USP35: variants seen among roughly 807,000 people sequenced by gnomAD.
The protein encoded by USP35 is ubiquitin carboxyl-terminal hydrolase 35.
In USP35, 69 loss-of-function variants were observed where a neutral mutation model predicts 83.8. That is an observed-to-expected ratio of 0.82 (90% CI 0.68 to 1.01). The LOEUF (loss-of-function observed/expected upper bound fraction) is 1.01. Ranked by LOEUF, USP35 falls within the 50% of genes least tolerant of loss-of-function variation. The probability of loss-of-function intolerance (pLI) is 0.00; values close to 1 mark genes in which losing one functional copy is unlikely to be tolerated. For missense variants in USP35, 1,503 were observed against 1,362.5 expected, an observed-to-expected ratio of 1.10 and a Z score of -1.62; for synonymous variants, 714 against 589.5, an observed-to-expected ratio of 1.21 and a Z score of -3.06.
chr11:78,234,381 C>T, the USP35 span, among the ~76,000 whole-genome samples: 1 of 152,186 alleles, frequency 6.6e-6, no homozygotes, highest in Admixed American at 6.5e-5. Flanking sequence ...CTGCGCCCAG[C>T]CTAGAAGTTT....
chr11:78,199,470 G>A lies in USP35; in HGVS notation c.807-125G>A, dbSNP rs114009374. ...TGTCTGGTTCAGCCCACAGACCCCG[G>A]GGCTGCCCTTTGCAGGTGTGAGTCA... On this transcript the variant is annotated intron_variant, in intron 3 of 10. Coordinates refer to ENST00000529308, the MANE Select transcript of USP35 (RefSeq NM_020798.4). 4.1e-4 allele frequency: 593 copies of A among 1,438,790 alleles called. 7 individuals are homozygous for A. The African/African-American group carries it at 6.2e-3, about 15-fold the overall frequency. The allele number at this position is 1,438,790 out of a possible 1,614,324, so 89.1% of individuals were successfully genotyped here.
intron 9 of USP35, 65 bp downstream of exon 9, chr11:78,209,028 C>T: frequency 6.6e-7 from 1 of 1,505,862 alleles, no homozygotes; most frequent in Non-Finnish European, 9.1e-7. Context: ...AGCCCAGTAC[C>T]TCTGAGCTGT....
At chr11:78,233,390 G>T in the USP35 span, among the ~76,000 whole-genome samples, 1 of 152,138 alleles carries the variant, frequency 6.6e-6, no homozygotes, top group South Asian at 2.1e-4. Context: ...ATCTCACTGA[G>T]ATTTTAATTT....
At chr11:78,189,486 G>C (rs1049285622) in intron 1 of USP35, among the ~76,000 whole-genome samples, 1 of 152,222 alleles carries the variant, frequency 6.6e-6, no homozygotes, top group South Asian at 2.1e-4. Flanking sequence ...TGCACTGGAG[G>C]GAGGGAGGTG....
At chr11:78,211,871 AT>A (rs948677546) in intron 10 of USP35, among the ~76,000 whole-genome samples, 4 of 151,764 alleles carry the variant, frequency 2.6e-5, no homozygotes, top group Non-Finnish European at 5.9e-5. Flanking sequence ...GTTTGCAAAA[AT>A]TTTTTTTCAT....
At chr11:78,199,810 T>C in intron 4 of USP35, 86 bp downstream of exon 4, 6 of 1,595,578 alleles carry the variant, frequency 3.8e-6, no homozygotes, top group Non-Finnish European at 5.1e-6. Context: ...GGTCAGAGCA[T>C]TGGGCCTACC....
rs759840795 is a variant in USP35 at position 78,208,818 on chromosome 11, T to G, written c.1486-39T>G. 6 of 1,609,954 alleles carry G rather than the reference T, an allele frequency of 3.7e-6. No homozygotes were observed. The Admixed American group carries it at 8.3e-5, about 22-fold the overall frequency. Reference sequence around the variant, plus strand: ...GTGCAGAGCTGGCTGGTGAGTGGCCTCCTGCTCCTGACCATGCCTTTCGCC... The same window carrying G: ...GTGCAGAGCTGGCTGGTGAGTGGCCGCCTGCTCCTGACCATGCCTTTCGCC... On this transcript the variant is annotated intron_variant, in intron 8 of 10. Transcript: ENST00000529308.
intron 6 of USP35, among the ~76,000 whole-genome samples, chr11:78,203,929 C>A (rs1206691739): frequency 8.7e-6 from 1 of 114,838 alleles, no homozygotes; most frequent in African/African-American, 3.6e-5. Context: ...CTCGCTCTGT[C>A]GTCCAGGCTG....
rs1863688254 is a variant in USP35 at position 78,210,003 on chromosome 11, AGAGAAGGTG to A, written c.2156_2164del (p.Val719_Lys721del). ...AAGAGGAGGAGGTGGAAGAGGAAGA[AGAGAAGGTG>A]GAGAAGGAGACAGAAAAGGAGGCTG... On this transcript the variant is annotated inframe_deletion, in exon 10 of 11. Coordinates refer to ENST00000529308, the MANE Select transcript of USP35 (RefSeq NM_020798.4). 1.2e-6 allele frequency: 2 copies of A among 1,613,360 alleles called. No individual in the cohort carries two copies. Among genetic ancestry groups the A allele is most frequent in the Non-Finnish European group, 8.5e-7 (1 of 1,179,780 alleles).
the USP35 span, chr11:78,221,570 G>A: frequency 1.7e-6 from 1 of 596,012 alleles, no homozygotes; most frequent in Non-Finnish European, 3.1e-6. Context: ...AATAATACAA[G>A]GAGTCCCTGG....
chr11:78,195,782 G>A (rs534994719), intron 1 of USP35, among the ~76,000 whole-genome samples: 1 of 152,310 alleles, frequency 6.6e-6, no homozygotes, highest in African/African-American at 2.4e-5. Context: ...TCAGGCTGGA[G>A]TGCAGTGGGA....
In USP35 at chr11:78,210,061, C is replaced by G. The variant is rs372141139; in HGVS notation, c.2206C>G (p.Leu736Val). The change falls in exon 10 of 11, where the codon CTG becomes GTG. Residue 736 changes from leucine (L) to valine (V), a missense_variant. Transcript: ENST00000529308. ...TGAGCAGGAAAAGGAAGAAGACAGC[C>G]TGGGAGCGGGGACCCACCCGGATGC... is the stretch of plus-strand genomic sequence containing the variant. ...EAEQEKEEDS[L>V]GAGTHPDAAI... 2.0e-5 allele frequency: 32 copies of G among 1,613,774 alleles called. No homozygotes were observed. Among genetic ancestry groups the G allele is most frequent in the Non-Finnish European group, 2.5e-5 (29 of 1,179,902 alleles).
intron 6 of USP35, among the ~76,000 whole-genome samples, chr11:78,202,216 A>G (rs1175814712): frequency 2.0e-5 from 3 of 152,232 alleles, no homozygotes; most frequent in Non-Finnish European, 4.4e-5. Flanking sequence ...CTTTGGGCCT[A>G]TCCCCAGCAG....
intron 10 of USP35, among the ~76,000 whole-genome samples, chr11:78,213,445 A>C (rs922823006): frequency 2.6e-5 from 4 of 151,310 alleles, no homozygotes; most frequent in Admixed American, 2.6e-4. Flanking sequence ...CAGGGACTAG[A>C]GTTTTTATTG....
chr11:78,205,511 T>C (rs1590909284), intron 6 of USP35, among the ~76,000 whole-genome samples: 1 of 152,362 alleles, frequency 6.6e-6, no homozygotes, highest in African/African-American at 2.4e-5. Flanking sequence ...TGAGCTCTTT[T>C]ATAGCACATG....
chr11:78,202,890 G>A (rs1205309023), intron 6 of USP35, among the ~76,000 whole-genome samples: 2 of 152,174 alleles, frequency 1.3e-5, no homozygotes, highest in East Asian at 3.8e-4. Context: ...GAGCTTCTGT[G>A]GGCAGGAACC....
intron 3 of USP35, chr11:78,199,287 C>G (rs905535790): frequency 3.0e-6 from 1 of 338,952 alleles, no homozygotes; most frequent in Non-Finnish European, 5.6e-6. Context: ...GGGCAGTGCC[C>G]TTCCAGGCAG....
the USP35 span, among the ~76,000 whole-genome samples, chr11:78,234,987 G>A: frequency 2.0e-5 from 3 of 152,000 alleles, no homozygotes; most frequent in African/African-American, 4.8e-5. Flanking sequence ...TCCAGCCCGG[G>A]AGACAGAGCG....
At position 78,196,538 on chromosome 11, in the gene USP35, C is replaced by T. The variant is rs1438943847; in HGVS notation, c.293C>T (p.Pro98Leu). Reference sequence around the variant, plus strand: ...CAGGGTGGCGCCGGCCCCCCGGGCCCCCGCGCGCTCGCCTGCGTGCAGCTG... The same window carrying T: ...CAGGGTGGCGCCGGCCCCCCGGGCCTCCGCGCGCTCGCCTGCGTGCAGCTG... ...LLQGGAGPPG[P>L]RALACVQLGL... Residue 98 changes from proline (P) to leucine (L), a missense_variant, in exon 2 of 11, where the codon CCC (proline) becomes CTC (leucine). Physicochemically the swap from Pro to Leu is moderately conservative, Grantham distance 98 (BLOSUM62 -3). Transcript: ENST00000529308. This position sits in a 1 kb window ranked among gnomAD's most constrained non-coding sequence, Gnocchi z 4.8. The T allele has an allele frequency of 8.1e-7, 1 of 1,230,104 alleles. No homozygotes were observed. The highest frequency in any genetic ancestry group is 1.6e-5 in the African/African-American group (1 of 61,320). 76.2% of individuals were successfully genotyped at this position (1,230,104 alleles called of 1,614,324 possible).
Sources: gnomAD v4.1 joint callset for allele counts (sites outside exome capture counted in the v4.1 genomes callset) on GRCh38, gnomAD v4.1.1 for gene constraint, Gnocchi (gnomAD v3.1) non-coding constraint, MANE v1.5 for transcripts, NCBI Gene and HGNC (gene_info 2026-07-23, HGNC 2026-07-21) for gene names.